RAB11FIP5: variants seen among roughly 807,000 people sequenced by gnomAD.
The protein encoded by RAB11FIP5 is rab11 family-interacting protein 5.
In RAB11FIP5, 48 loss-of-function variants were observed where a neutral mutation model predicts 85.1. The ratio of observed to expected loss-of-function variants is 0.56; its 90% CI spans 0.45 to 0.72. The LOEUF (loss-of-function observed/expected upper bound fraction) is 0.72, where lower values mean the gene tolerates loss of function less well. RAB11FIP5 is among the 30% of genes least tolerant of loss of function. RAB11FIP5 has a pLI of 0.00. For missense variants in RAB11FIP5, 1,491 were observed against 1,687.0 expected (o/e 0.88, Z 2.04); for synonymous variants, 729 against 727.3 (o/e 1.00, Z -0.04).
intron 1 of RAB11FIP5, among the ~76,000 whole-genome samples, chr2:73,101,898 T>G (rs1323450684): frequency 1.3e-5 from 2 of 152,194 alleles, no homozygotes; most frequent in Non-Finnish European, 2.9e-5. Context: ...TGCTCCAATG[T>G]TCCCCAAGTA....
rs776561100 is a variant in RAB11FIP5 at position 73,075,459 on chromosome 2, G to A, written c.*62C>T. 1.1e-5 allele frequency: 17 copies of A among 1,496,140 alleles called. No homozygotes were observed. The highest frequency in any genetic ancestry group is 1.5e-5 in the Non-Finnish European group (16 of 1,072,334). The allele number at this position is 1,496,140 out of a possible 1,614,324, so 92.7% of individuals were successfully genotyped here. On this transcript the variant is annotated 3_prime_UTR_variant, in exon 6 of 6. Coordinates refer to ENST00000486777, the MANE Select transcript of RAB11FIP5 (RefSeq NM_001371272.1). This position sits in a 1 kb window ranked among gnomAD's most constrained non-coding sequence, Gnocchi z 4.6. ...CCCCACTGCAGATGAGAGAGTTCAG[G>A]AGGAGAGAGGGCAGGCAGCAATAGG...
chr2:73,094,181 G>C (rs1448994320), intron 1 of RAB11FIP5, among the ~76,000 whole-genome samples: 1 of 150,298 alleles, frequency 6.7e-6, no homozygotes, highest in African/African-American at 2.4e-5. Flanking sequence ...CTGTGCAAGA[G>C]ATAGGCCCTG....
In RAB11FIP5 at chr2:73,075,783, C is replaced by CCT. The variant is rs1683847011; in HGVS notation, c.3772-60_3772-59insAG. ...CCCTAGGCCTGCCTGCCTGCCTGCC[C>CCT]GCTTGCCCGCCCGCCCGCCTGCCCA... On this transcript the variant is annotated intron_variant, in intron 5 of 5. Coordinates refer to ENST00000486777, the MANE Select transcript of RAB11FIP5 (RefSeq NM_001371272.1). This position sits in a 1 kb window ranked among gnomAD's most constrained non-coding sequence, Gnocchi z 4.6. The CCT allele has an allele frequency of 4.6e-6, 6 of 1,299,952 alleles. No individual in the cohort carries two copies. In the African/African-American group the frequency reaches 5.3e-5, roughly 12 times the overall value. The allele number at this position is 1,299,952 out of a possible 1,614,324, so 80.5% of individuals were successfully genotyped here.
In RAB11FIP5 at chr2:73,088,571, C is replaced by G; in HGVS notation, c.1047G>C (p.Gln349His). The change falls in exon 3 of 6, where the codon CAG becomes CAC. Residue 349 changes from glutamine to histidine, a missense_variant. By Grantham distance (24) the Gln-to-His change is conservative. Around this residue, in one of 3 missense-constraint regions of RAB11FIP5, gnomAD observed 1,211 missense variants for 1,338.0 expected, o/e 0.91. Coordinates refer to ENST00000486777, the MANE Select transcript of RAB11FIP5 (RefSeq NM_001371272.1). Reference protein sequence around the residue: ...NGSHIYNEEPQGPVRHRSSIS... With the variant: ...NGSHIYNEEPHGPVRHRSSIS... ...TGGAGCTGCGGTGCCGCACAGGGCC[C>G]TGGGGCTCCTCATTGTAAATGTGGC... 3 of 1,613,862 alleles carry G rather than the reference C, an allele frequency of 1.9e-6. No individual in the cohort carries two copies. The highest frequency in any genetic ancestry group is 2.5e-6 in the Non-Finnish European group (3 of 1,180,044).
intron 4 of RAB11FIP5, among the ~76,000 whole-genome samples, chr2:73,079,319 G>A (rs561405876): frequency 6.6e-6 from 1 of 152,104 alleles, no homozygotes; most frequent in Admixed American, 6.5e-5. Flanking sequence ...ACTCCAGAAG[G>A]GCCTACAGCA....
In RAB11FIP5 at chr2:73,088,105, C is replaced by T; in HGVS notation, c.1513G>A (p.Ala505Thr). The change falls in exon 3 of 6, where the codon GCC (alanine) becomes ACC (threonine). Residue 505 changes from alanine (A) to threonine (T), a missense_variant. By Grantham distance (58) the Ala-to-Thr change is moderately conservative (BLOSUM62 0). Coordinates refer to ENST00000486777, the MANE Select transcript of RAB11FIP5 (RefSeq NM_001371272.1). ...CTCAAGCCAAACCAGCTACTCTTGGCCTTTTCCTCCCCACTGGATGAGTGA... is the reference window on the plus strand; with the variant it reads ...CTCAAGCCAAACCAGCTACTCTTGGTCTTTTCCTCCCCACTGGATGAGTGA... The part of the protein sequence containing the change: ...PHHSSSGEEK[A>T]KSSWFGLREA... The T allele has an allele frequency of 6.2e-7, 1 of 1,612,928 alleles. No homozygotes were observed. The highest frequency in any genetic ancestry group is 8.5e-7 in the Non-Finnish European group (1 of 1,179,226).
intron 1 of RAB11FIP5, among the ~76,000 whole-genome samples, chr2:73,103,749 G>T (rs1048216209): frequency 6.6e-6 from 1 of 152,200 alleles, no homozygotes; most frequent in Non-Finnish European, 1.5e-5. Context: ...CCTTTTACAG[G>T]CCATCATCAG....
intron 3 of RAB11FIP5, among the ~76,000 whole-genome samples, chr2:73,085,211 C>T (rs1434410297): frequency 3.3e-5 from 5 of 152,158 alleles, no homozygotes; most frequent in Non-Finnish European, 7.3e-5. Context: ...TCCAGGCCCA[C>T]AGGGAGGGAC....
intron 1 of RAB11FIP5, among the ~76,000 whole-genome samples, chr2:73,102,802 C>T (rs1684455033): frequency 6.6e-6 from 1 of 152,194 alleles, no homozygotes; most frequent in African/African-American, 2.4e-5. Context: ...TGTGTGAGAA[C>T]CCCAGTGGAC....
At position 73,112,549 on chromosome 2, in the gene RAB11FIP5, G is replaced by T; in HGVS notation, c.229C>A (p.Leu77Met). The change falls in exon 1 of 6, where the codon CTG becomes ATG. Residue 77 changes from leucine (L) to methionine (M), a missense_variant. This residue lies in a region of RAB11FIP5 where 1,211 missense variants were observed against 1,338.0 expected (regional missense o/e 0.91). Coordinates refer to ENST00000486777, the MANE Select transcript of RAB11FIP5 (RefSeq NM_001371272.1). Reference sequence around the variant, plus strand: ...AGGCCATCCAGGGCCCCCGGCGGCAGCTCGAAGGAGCACTCCTCACGCCAC... The same window carrying T: ...AGGCCATCCAGGGCCCCCGGCGGCATCTCGAAGGAGCACTCCTCACGCCAC... ...PEWREECSFELPPGALDGLLR... is the reference protein window; with the variant it reads ...PEWREECSFEMPPGALDGLLR... The T allele has an allele frequency of 6.4e-7, 1 of 1,553,448 alleles. No homozygotes were observed. The highest frequency in any genetic ancestry group is 8.7e-7 in the Non-Finnish European group (1 of 1,152,496).
chr2:73,090,072 C>A (rs773370808), intron 1 of RAB11FIP5, among the ~76,000 whole-genome samples: 2 of 152,128 alleles, frequency 1.3e-5, no homozygotes, highest in Non-Finnish European at 2.9e-5. Flanking sequence ...AGGGTTCTTA[C>A]CTCACTCCCG....
rs908564707 is a variant in RAB11FIP5 at position 73,089,660 on chromosome 2, C to T, written c.432-345G>A. 2 of 382,580 alleles carry T rather than the reference C, an allele frequency of 5.2e-6. No homozygotes were observed. The highest frequency in any genetic ancestry group is 4.3e-5 in the South Asian group (2 of 46,940). The allele number at this position is 382,580 out of a possible 1,614,324, so 23.7% of individuals were successfully genotyped here. On this transcript the variant is annotated intron_variant, in intron 1 of 5. Transcript: ENST00000486777. The surrounding 1 kb of genome is among the most constrained non-coding windows in gnomAD (Gnocchi z 4.6). The stretch of plus-strand genomic sequence containing the variant: ...TGCCCCATCTCCCCTACATCTGAAA[C>T]TCTGAGGCCCAGAGGGGTGAGGCTG...
chr2:73,111,015 GGAAAAAAACAA>G (rs1684645471), intron 1 of RAB11FIP5, among the ~76,000 whole-genome samples: 2 of 123,228 alleles, frequency 1.6e-5, no homozygotes, highest in Non-Finnish European at 3.2e-5. Context: ...ACAGAAAGGA[GGAAAAAAACAA>G]GGTCCAAGCT....
At position 73,078,905 on chromosome 2, in the gene RAB11FIP5, T is replaced by C. The variant is rs1683912527; in HGVS notation, c.3581+746A>G. 6.6e-6 allele frequency among the ~76,000 whole-genome samples: 1 copy of C among 152,110 alleles called. No individual in the cohort carries two copies. Among genetic ancestry groups the C allele is most frequent in the Non-Finnish European group, 1.5e-5 (1 of 68,006 alleles). On this transcript the variant is annotated intron_variant, in intron 4 of 5. Transcript: ENST00000486777. This position sits in a 1 kb window ranked among gnomAD's most constrained non-coding sequence, Gnocchi z 4.4. ...CCTGGTGAGGTCACAGCTTCATAAT[T>C]CTTCCAAACCTCCCAATGCCACAGT... is the stretch of plus-strand genomic sequence containing the variant.
chr2:73,080,767 A>G lies in RAB11FIP5; in HGVS notation c.2465T>C (p.Leu822Pro). ...ATCAGCTGTCTCGACGTCAGGGCAAAGCTGATTTTCGCCTCGGGAGGACTC... is the reference window on the plus strand; with the variant it reads ...ATCAGCTGTCTCGACGTCAGGGCAAGGCTGATTTTCGCCTCGGGAGGACTC... ...DDESSRGENQ[L>P]CPDVETADDA... Residue 822 changes from leucine to proline, a missense_variant, in exon 4 of 6, where the codon CTT (leucine) becomes CCT (proline). By Grantham distance (98) the Leu-to-Pro change is moderately conservative. Around this residue, in one of 3 missense-constraint regions of RAB11FIP5, gnomAD observed 1,211 missense variants for 1,338.0 expected, o/e 0.91. Coordinates refer to ENST00000486777, the MANE Select transcript of RAB11FIP5 (RefSeq NM_001371272.1). 8.1e-7 allele frequency: 1 copy of G among 1,232,500 alleles called. No homozygotes were observed. Among genetic ancestry groups the G allele is most frequent in the Non-Finnish European group, 1.0e-6 (1 of 988,132 alleles). The allele number at this position is 1,232,500 out of a possible 1,614,324, so 76.3% of individuals were successfully genotyped here.
intron 1 of RAB11FIP5, among the ~76,000 whole-genome samples, chr2:73,101,255 G>A (rs1282093138): frequency 6.6e-6 from 1 of 152,088 alleles, no homozygotes; most frequent in Admixed American, 6.5e-5. Flanking sequence ...ACAGTCTTGA[G>A]GACAAATGGC....
In RAB11FIP5 at chr2:73,081,140, C is replaced by T. The variant is rs1465664671; in HGVS notation, c.2092G>A (p.Gly698Arg). Reference sequence around the variant, plus strand: ...CCTCCTCCTCCTCCCCCAGGCTCTCCCTGGGGCTCAGCTGCCTTCGCAGTC... The same window carrying T: ...CCTCCTCCTCCTCCCCCAGGCTCTCTCTGGGGCTCAGCTGCCTTCGCAGTC... ...AMTAKAAEPQ[G>R]EPGGGGGGGG... Residue 698 changes from glycine (G) to arginine (R), a missense_variant, in exon 4 of 6, where the codon GGA (glycine) becomes AGA (arginine). This residue lies in a region of RAB11FIP5 where 1,211 missense variants were observed against 1,338.0 expected (regional missense o/e 0.91). Transcript: ENST00000486777. This position sits in a 1 kb window ranked among gnomAD's most constrained non-coding sequence, Gnocchi z 4.2. 1.6e-6 allele frequency: 2 copies of T among 1,233,552 alleles called. No homozygotes were observed. The allele number at this position is 1,233,552 out of a possible 1,614,324, so 76.4% of individuals were successfully genotyped here. A position where few individuals can be genotyped will look rare whatever the true frequency, so the allele number is the denominator to read the frequency against.
At chr2:73,090,234 A>G (rs1236683127) in intron 1 of RAB11FIP5, among the ~76,000 whole-genome samples, 2 of 152,170 alleles carry the variant, frequency 1.3e-5, no homozygotes, top group Non-Finnish European at 2.9e-5. Flanking sequence ...GTGCACACCC[A>G]CTGTGCCCAG....
intron 1 of RAB11FIP5, among the ~76,000 whole-genome samples, chr2:73,105,100 G>A (rs1684497466): frequency 6.6e-6 from 1 of 152,212 alleles, no homozygotes; most frequent in Non-Finnish European, 1.5e-5. Flanking sequence ...AGTAAAACCA[G>A]CATGTGACGT....
Sources: allele counts gnomAD v4.1 joint callset (sites outside exome capture counted in the v4.1 genomes callset), GRCh38; gene constraint gnomAD v4.1.1; regional missense constraint gnomAD v4.1.1; non-coding constraint Gnocchi (gnomAD v3.1); transcripts MANE v1.5; gene names NCBI Gene and HGNC (gene_info 2026-07-23, HGNC 2026-07-21).